GLDC: variants seen among roughly 807,000 people sequenced by gnomAD.
The protein encoded by GLDC is glycine decarboxylase, also known as glycine dehydrogenase (decarboxylating), mitochondrial.
Under a neutral mutation model 121.3 loss-of-function variants are expected in GLDC, and 104 were observed. That is an observed-to-expected ratio of 0.86 (90% CI 0.73 to 1.01). The LOEUF is 1.01. Ranked by LOEUF, GLDC falls within the 50% of genes least tolerant of loss-of-function variation. The pLI, the probability that GLDC is intolerant of heterozygous loss-of-function variation, is 0.00. For synonymous variants in GLDC, 546 were observed against 480.6 expected (o/e 1.14, Z -1.78); for missense variants, 1,429 against 1,306.6 (o/e 1.09, Z -1.44).
intron 15 of GLDC, among the ~76,000 whole-genome samples, chr9:6,581,016 C>A (rs1047643182): frequency 3.9e-5 from 6 of 152,220 alleles, no homozygotes; most frequent in Admixed American, 3.3e-4. Flanking sequence ...TATATGAACT[C>A]AAGCATCTCT....
At chr9:6,577,926 CTTCTT>C (rs1390047715) in intron 15 of GLDC, among the ~76,000 whole-genome samples, 1 of 151,442 alleles carries the variant, frequency 6.6e-6, no homozygotes, top group Non-Finnish European at 1.5e-5. Flanking sequence ...TAAGATCTTT[CTTCTT>C]TTTTCTTTTT....
intron 8 of GLDC, among the ~76,000 whole-genome samples, chr9:6,599,301 G>A (rs1027224843): frequency 6.6e-6 from 1 of 152,142 alleles, no homozygotes; most frequent in African/African-American, 2.4e-5. Context: ...CTTATGATCA[G>A]ACGGAAACCT....
At chr9:6,580,028 T>A (rs1818144325) in intron 15 of GLDC, among the ~76,000 whole-genome samples, 7 of 152,154 alleles carry the variant, frequency 4.6e-5, no homozygotes. Context: ...AAGGCTAGAA[T>A]CCACACAGTC....
rs1342648707 is a variant in GLDC, at chr9:6,606,494, G to C, written c.713+98C>G. 3 of 859,630 alleles carry C rather than the reference G, an allele frequency of 3.5e-6. No individual in the cohort carries two copies. The African/African-American group carries it at 5.0e-5, about 14-fold the overall frequency. 53.3% of individuals were successfully genotyped at this position (859,630 alleles called of 1,614,324 possible). A position where few individuals can be genotyped will look rare whatever the true frequency, so the allele number is the denominator to read the frequency against. ...TTAAACAGCAAAAAACCCTGTTTCAGATTCACCTCCAATCAGTTTGGAAGT... is the reference window on the plus strand; with the variant it reads ...TTAAACAGCAAAAAACCCTGTTTCACATTCACCTCCAATCAGTTTGGAAGT... On this transcript the variant is annotated intron_variant, in intron 5 of 24. Coordinates refer to ENST00000321612, the MANE Select transcript of GLDC (RefSeq NM_000170.3).
In GLDC at chr9:6,634,483, C is replaced by T. The variant is rs373758330; in HGVS notation, c.334+10131G>A. 7.2e-4 allele frequency among the ~76,000 whole-genome samples: 110 copies of T among 151,936 alleles called. 1 individual carries two copies. In the East Asian group the frequency reaches 0.016, roughly 22 times the overall value. On this transcript the variant is annotated intron_variant, in intron 2 of 24. Coordinates refer to ENST00000321612, the MANE Select transcript of GLDC (RefSeq NM_000170.3). ...GGCAGAGGTTGCAGTGAACTGAGATCGCACCACCGCACTTGAGCCTAGGTG... is the reference window on the plus strand; with the variant it reads ...GGCAGAGGTTGCAGTGAACTGAGATTGCACCACCGCACTTGAGCCTAGGTG...
chr9:6,548,512 C>T (rs1442302080), intron 21 of GLDC, among the ~76,000 whole-genome samples: 1 of 152,168 alleles, frequency 6.6e-6, no homozygotes, highest in East Asian at 1.9e-4. Context: ...ACCAGCACTT[C>T]TGGTTATTTG....
intron 3 of GLDC, among the ~76,000 whole-genome samples, chr9:6,616,743 A>T (rs1357045480): frequency 6.6e-6 from 1 of 152,262 alleles, no homozygotes; most frequent in Admixed American, 6.5e-5. Flanking sequence ...CCAAGAAGGC[A>T]TTTAGTTCAG....
chr9:6,633,892 C>T lies in GLDC; in HGVS notation c.334+10722G>A, dbSNP rs1259579755. ...TCGCTCAGGCTGGAGTCCAGTGGCA[C>T]GATCTCAGCTCACTGCAAGCTGTGC... On this transcript the variant is annotated intron_variant, in intron 2 of 24. Transcript: ENST00000321612. 2.2e-5 allele frequency among the ~76,000 whole-genome samples: 3 copies of T among 133,976 alleles called. No individual in the cohort carries two copies. In the Admixed American group the frequency reaches 2.6e-4, roughly 11 times the overall value. 87.9% of individuals were successfully genotyped at this position (133,976 alleles called of 152,430 possible). A position where few individuals can be genotyped will look rare whatever the true frequency, so the allele number is the denominator to read the frequency against.
intron 15 of GLDC, among the ~76,000 whole-genome samples, chr9:6,566,238 G>A (rs758886855): frequency 5.3e-5 from 8 of 152,086 alleles, no homozygotes; most frequent in Non-Finnish European, 1.2e-4. Flanking sequence ...GTGAGATCCC[G>A]TCTCAAAAAA....
At chr9:6,555,693 G>A (rs1817611390) in intron 18 of GLDC, among the ~76,000 whole-genome samples, 1 of 152,156 alleles carries the variant, frequency 6.6e-6, no homozygotes, top group African/African-American at 2.4e-5. Context: ...TCGGGAGGCT[G>A]AGGCAGCAGA....
intron 21 of GLDC, chr9:6,541,636 G>C (rs992918644): frequency 1.3e-5 from 2 of 151,494 alleles, no homozygotes; most frequent in Non-Finnish European, 2.9e-5. Context: ...CAGCCTGGCC[G>C]ACATGGTGAA....
chr9:6,585,847 T>C (rs1031445614), intron 15 of GLDC, among the ~76,000 whole-genome samples: 1 of 112,660 alleles, frequency 8.9e-6, no homozygotes, highest in Non-Finnish European at 1.9e-5. Context: ...TATGTATGTA[T>C]GTATGTATGT....
intron 19 of GLDC, 68 bp downstream of exon 19, chr9:6,554,601 A>T (rs1817579968): frequency 9.8e-7 from 1 of 1,020,210 alleles, no homozygotes; most frequent in Non-Finnish European, 1.5e-6. Context: ...TGGGATGAGT[A>T]GTCTATTTAG....
chr9:6,598,872 G>T (rs868786019), intron 8 of GLDC, among the ~76,000 whole-genome samples: 1 of 152,158 alleles, frequency 6.6e-6, no homozygotes, highest in Non-Finnish European at 1.5e-5. Context: ...TACATGAACT[G>T]GAAGAAATTA....
intron 1 of GLDC, 48 bp downstream of exon 1, chr9:6,645,197 C>A (rs777462956): frequency 6.6e-7 from 1 of 1,519,326 alleles, no homozygotes; most frequent in Non-Finnish European, 8.8e-7. Context: ...AGGCAGAGCC[C>A]GGGCAGGGCG....
chr9:6,605,373 G>A, intron 5 of GLDC, 95 bp from the exon 6 acceptor site: 2 of 1,343,690 alleles, frequency 1.5e-6, no homozygotes, highest in Non-Finnish European at 2.1e-6. Flanking sequence ...TTCATTTTCT[G>A]TGCCCTCCCA....
chr9:6,576,066 G>C (rs540766965), intron 15 of GLDC, among the ~76,000 whole-genome samples: 1 of 152,304 alleles, frequency 6.6e-6, no homozygotes, highest in East Asian at 1.9e-4. Context: ...AATGTCCTAA[G>C]GAACTAGGCA....
intron 15 of GLDC, among the ~76,000 whole-genome samples, chr9:6,579,446 T>A (rs1299603255): frequency 6.6e-6 from 1 of 152,222 alleles, no homozygotes; most frequent in African/African-American, 2.4e-5. Flanking sequence ...GTTTTTGTTT[T>A]GGAATATTTC....
intron 15 of GLDC, among the ~76,000 whole-genome samples, chr9:6,584,371 G>A (rs1356935784): frequency 6.6e-6 from 1 of 152,190 alleles, no homozygotes; most frequent in Non-Finnish European, 1.5e-5. Flanking sequence ...TACAAAAAAT[G>A]TGACGTGCAT....
Sources: allele counts gnomAD v4.1 joint callset (sites outside exome capture counted in the v4.1 genomes callset), GRCh38; gene constraint gnomAD v4.1.1; transcripts MANE v1.5; gene names NCBI Gene and HGNC (gene_info 2026-07-23, HGNC 2026-07-21).